Variants in UBR4 observed in about 807,000 individuals in gnomAD.
The protein encoded by UBR4 is ubiquitin protein ligase E3 component n-recognin 4.
In UBR4, 124 loss-of-function variants were observed where a neutral mutation model predicts 575.6. The ratio of observed to expected loss-of-function variants is 0.22; its 90% CI spans 0.19 to 0.25. The LOEUF (loss-of-function observed/expected upper bound fraction) is 0.25, where lower values mean the gene tolerates loss of function less well. UBR4 is among the 10% of genes least tolerant of loss of function. UBR4 has a pLI of 1.00. For missense variants in UBR4, 4,818 were observed against 6,478.8 expected (o/e 0.74, Z 8.80); for synonymous variants, 2,455 against 2,473.7 (o/e 0.99, Z 0.22).
At chr1:19,183,721 CA>C in intron 17 of UBR4, 89 bp downstream of exon 17, 2 of 1,379,220 alleles carry the variant, frequency 1.5e-6, no homozygotes, top group Non-Finnish European at 2.0e-6. Flanking sequence ...GACTCCATCT[CA>C]AAAAAACAAA....
rs1396474781 is a variant in UBR4 at position 19,096,537 on chromosome 1, G to A, written c.13504C>T (p.Arg4502Cys). 4 of 1,612,804 alleles carry A rather than the reference G, an allele frequency of 2.5e-6. No individual in the cohort carries two copies. The highest frequency in any genetic ancestry group is 3.4e-6 in the Non-Finnish European group (4 of 1,179,484). Residue 4502 changes from arginine (R) to cysteine (C), a missense_variant, in exon 92 of 106, where the codon CGC (arginine) becomes TGC (cysteine). Physicochemically the swap from Arg to Cys is radical, Grantham distance 180. This residue lies in a region of UBR4 where 165 missense variants were observed against 282.3 expected (regional missense o/e 0.58). Coordinates refer to ENST00000375254, the MANE Select transcript of UBR4 (RefSeq NM_020765.3). ...LAGIRDFKQG[R>C]HLLTVLLKLF... ...CCCCAACTCACTGTTAGAAGGTGGCGTCCCTGCTTGAAATCTCTGATCCCT... is the reference window on the plus strand; with the variant it reads ...CCCCAACTCACTGTTAGAAGGTGGCATCCCTGCTTGAAATCTCTGATCCCT...
At chr1:19,111,623 ATTT>A (rs11314459) in intron 78 of UBR4, 11 of 139,566 alleles carry the variant, frequency 7.9e-5, no homozygotes, top group East Asian at 2.1e-4. Context: ...CTATTTTTGT[ATTT>A]TTTTTTTTTT....
chr1:19,160,308 G>C, intron 38 of UBR4, 27 bp from the exon 39 acceptor site: 1 of 1,363,370 alleles, frequency 7.3e-7, no homozygotes, highest in Non-Finnish European at 9.8e-7. Context: ...AAATACACCA[G>C]TGAAAAAAAA....
intron 1 of UBR4, among the ~76,000 whole-genome samples, chr1:19,208,286 T>C (rs2093109837): frequency 6.6e-6 from 1 of 151,888 alleles, no homozygotes; most frequent in Non-Finnish European, 1.5e-5. Context: ...GCTAACATGG[T>C]GAAACCTCAT....
In UBR4 at chr1:19,185,116, G is replaced by A. The variant is rs373234713; in HGVS notation, c.1921C>T (p.Arg641Cys). 69 of 1,613,944 alleles carry A rather than the reference G, an allele frequency of 4.3e-5. No individual in the cohort carries two copies. The highest frequency in any genetic ancestry group is 1.6e-4 in the Middle Eastern group (1 of 6,084). The change falls in exon 15 of 106, where the codon CGC becomes TGC. Residue 641 changes from arginine (R) to cysteine (C), a missense_variant. By Grantham distance (180) the Arg-to-Cys change is radical (BLOSUM62 -3). Transcript: ENST00000375254. ...PGEKGNILAS[R>C]KDPELFLGLA... ...ACTCTTACCAACTCAGGATCTTTGC[G>A]ACTCGCCAGAATGTTGCCCTTCTCA...
rs2079749232 is a variant in UBR4, at chr1:19,110,635, G to T, written c.11892+107C>A. Reference sequence around the variant, plus strand: ...GAAAACCATTCTGGGGTAATGTTCTGCTCCTTCCCTCCTCAGTCACCGCAG... The same window carrying T: ...GAAAACCATTCTGGGGTAATGTTCTTCTCCTTCCCTCCTCAGTCACCGCAG... On this transcript the variant is annotated intron_variant, in intron 79 of 105. Coordinates refer to ENST00000375254, the MANE Select transcript of UBR4 (RefSeq NM_020765.3). This position sits in a 1 kb window ranked among gnomAD's most constrained non-coding sequence, Gnocchi z 4.5. 1.4e-6 allele frequency: 2 copies of T among 1,404,198 alleles called. No individual in the cohort carries two copies. Among genetic ancestry groups the T allele is most frequent in the Admixed American group, 1.7e-5 (1 of 59,242 alleles). 87.0% of individuals were successfully genotyped at this position (1,404,198 alleles called of 1,614,324 possible). A position where few individuals can be genotyped will look rare whatever the true frequency, so the allele number is the denominator to read the frequency against.
chr1:19,162,007 A>T, intron 35 of UBR4, 110 bp from the exon 36 acceptor site: 1 of 1,223,574 alleles, frequency 8.2e-7, no homozygotes, highest in Non-Finnish European at 1.2e-6. Context: ...TGACTCGCAA[A>T]TGACCCGTGG....
rs754937588 is a variant in UBR4 at position 19,173,024 on chromosome 1, T to G, written c.3361A>C (p.Ile1121Leu). 6.2e-7 allele frequency: 1 copy of G among 1,614,164 alleles called. No individual in the cohort carries two copies. The highest frequency in any genetic ancestry group is 2.2e-5 in the East Asian group (1 of 44,876). ...GAGATCGCGGCATCAAGGGTGTAGATGGACTGCAGACTGGGAATTTCATGC... is the reference window on the plus strand; with the variant it reads ...GAGATCGCGGCATCAAGGGTGTAGAGGGACTGCAGACTGGGAATTTCATGC... ...QLHEIPSLQS[I>L]YTLDAAISKV... Residue 1121 changes from isoleucine to leucine, a missense_variant, in exon 25 of 106, where the codon ATC (isoleucine) becomes CTC (leucine). Coordinates refer to ENST00000375254, the MANE Select transcript of UBR4 (RefSeq NM_020765.3).
At position 19,140,491 on chromosome 1, in the gene UBR4, C is replaced by T. The variant is rs149290299; in HGVS notation, c.8593+297G>A. On this transcript the variant is annotated intron_variant, in intron 58 of 105. Coordinates refer to ENST00000375254, the MANE Select transcript of UBR4 (RefSeq NM_020765.3). ...AAAATGTTAGAACTCTGACAAAGAA[C>T]GCTGGAAGCTGAAGTGGAAGCCCTG... Among the ~76,000 whole-genome samples the T allele has an allele frequency of 4.7e-4, 72 of 152,334 alleles. 2 individuals carry two copies. The highest frequency in any genetic ancestry group is 1.4e-3 in the African/African-American group (59 of 41,576).
Position 19,086,804 on chromosome 1 carries a change from GC to G in UBR4, c.14561del (p.Gly4854AlafsTer9). On this transcript the variant is annotated frameshift_variant, in exon 100 of 106. Coordinates refer to ENST00000375254, the MANE Select transcript of UBR4 (RefSeq NM_020765.3). LOFTEE classifies it high-confidence loss of function. The stretch of plus-strand genomic sequence containing the variant: ...CTACCCGCTTCGTGAAGGTATAAAT[GC>G]CCAGGACCTTTGTGGGCTGCAAAGA... ...GYKFQPTKVL[G>X]IYTFTKRVAL... 1 of 1,614,200 alleles carries G rather than the reference GC, an allele frequency of 6.2e-7. No homozygotes were observed.
At chr1:19,142,546 G>A (rs1343120046) in intron 55 of UBR4, among the ~76,000 whole-genome samples, 1 of 152,230 alleles carries the variant, frequency 6.6e-6, no homozygotes, top group Non-Finnish European at 1.5e-5. Flanking sequence ...TGATATGCAA[G>A]GAAGATTTTC....
At chr1:19,147,094 T>C in intron 51 of UBR4, 94 bp from the exon 52 acceptor site, 2 of 1,388,340 alleles carry the variant, frequency 1.4e-6, no homozygotes, top group Non-Finnish European at 1.9e-6. Context: ...ACCAGGATTA[T>C]TACCTCCTCT....
intron 11 of UBR4, among the ~76,000 whole-genome samples, chr1:19,189,267 T>C (rs1252353425): frequency 1.3e-5 from 2 of 152,140 alleles, no homozygotes; most frequent in African/African-American, 4.8e-5. Flanking sequence ...TAACGAGTAG[T>C]TTGACAAAAC....
intron 43 of UBR4, 108 bp downstream of exon 43, chr1:19,155,333 T>G (rs1234388198): frequency 8.3e-7 from 1 of 1,205,592 alleles, no homozygotes; most frequent in African/African-American, 1.5e-5. Context: ...AAGATCCAGT[T>G]AGATGAAGTC....
intron 65 of UBR4, among the ~76,000 whole-genome samples, chr1:19,123,311 C>T (rs1484567028): frequency 6.6e-6 from 1 of 151,882 alleles, no homozygotes; most frequent in Non-Finnish European, 1.5e-5. Context: ...AATTAGCTGG[C>T]CGTGGTAGCA....
intron 50 of UBR4, 40 bp from the exon 51 acceptor site, chr1:19,148,167 A>T: frequency 6.4e-7 from 1 of 1,573,400 alleles, no homozygotes; most frequent in Non-Finnish European, 8.6e-7. Context: ...AACCCCACCA[A>T]CTCAAGGCAG....
At chr1:19,170,650 A>G (rs1207387038) in intron 26 of UBR4, 112 bp downstream of exon 26, 1 of 1,442,072 alleles carries the variant, frequency 6.9e-7, no homozygotes, top group Non-Finnish European at 9.4e-7. Context: ...TTGATACACA[A>G]AAAGGCTCCA....
rs1251639743 is a variant in UBR4, at chr1:19,097,236, G to A, written c.13347C>T (p.Gly4449=). ...ACTCAATGAACTCCTCTGTGGCATC[G>A]CCCAGCAGCCCCCGCATACGATAAA... ...RIVYRMRGLL[G]DATEEFIESL... The change falls in exon 91 of 106, where the codon GGC becomes GGT. Residue 4449 remains glycine, a synonymous_variant. Coordinates refer to ENST00000375254, the MANE Select transcript of UBR4 (RefSeq NM_020765.3). The A allele has an allele frequency of 1.2e-5, 20 of 1,613,526 alleles. No homozygotes were observed. Among genetic ancestry groups the A allele is most frequent in the East Asian group, 4.5e-5 (2 of 44,874 alleles).
At chr1:19,098,071 C>A (rs2078233477) in intron 90 of UBR4, among the ~76,000 whole-genome samples, 1 of 152,124 alleles carries the variant, frequency 6.6e-6, no homozygotes, top group African/African-American at 2.4e-5. Flanking sequence ...CTGATGAAAT[C>A]CAGTGGGGGA....
Sources: allele counts gnomAD v4.1 joint callset (sites outside exome capture counted in the v4.1 genomes callset), GRCh38; gene constraint gnomAD v4.1.1; regional missense constraint gnomAD v4.1.1; non-coding constraint Gnocchi (gnomAD v3.1); transcripts MANE v1.5; gene names NCBI Gene and HGNC (gene_info 2026-07-23, HGNC 2026-07-21).